The following RNF185 variants were observed in gnomAD, a reference collection of about 807,000 sequenced individuals.
The protein encoded by RNF185 is ring finger protein 185, also known as E3 ubiquitin-protein ligase RNF185.
RNF185 carries 13 observed loss-of-function variants against 24.9 expected under a neutral mutation model. The ratio of observed to expected loss-of-function variants is 0.52; its 90% CI spans 0.34 to 0.83. The LOEUF is 0.83. Among genes scored for constraint, RNF185 ranks in the 40% least tolerant of loss-of-function variants. The probability of loss-of-function intolerance (pLI) is 0.01; values close to 1 mark genes in which losing one functional copy is unlikely to be tolerated. For missense variants in RNF185, 184 were observed against 244.7 expected (o/e 0.75, Z 1.65); for synonymous variants, 79 against 90.3 (o/e 0.88, Z 0.71).
At chr22:31,164,607 G>A (rs1485212297) in intron 1 of RNF185, among the ~76,000 whole-genome samples, 1 of 52,994 alleles carries the variant, frequency 1.9e-5, no homozygotes, top group African/African-American at 6.1e-5. Flanking sequence ...TTTTTTTTTT[G>A]AGACGGAGTC....
At position 31,173,749 on chromosome 22, in the gene RNF185, A is replaced by G. The variant is rs530778280; in HGVS notation, c.-48-13298A>G. 1.6e-4 allele frequency among the ~76,000 whole-genome samples: 24 copies of G among 152,342 alleles called. No individual in the cohort carries two copies. The South Asian group carries it at 4.8e-3, about 30-fold the overall frequency. On this transcript the variant is annotated intron_variant, in intron 1 of 6. Coordinates refer to ENST00000326132, the MANE Select transcript of RNF185 (RefSeq NM_152267.4). ...TGTAGAGGGCTGAGCAGTGTTAGCTATGTTACTTATAGTGATAAGAAATAT... is the reference window on the plus strand; with the variant it reads ...TGTAGAGGGCTGAGCAGTGTTAGCTGTGTTACTTATAGTGATAAGAAATAT...
At chr22:31,161,001 C>G (rs906171136) in intron 1 of RNF185, among the ~76,000 whole-genome samples, 2 of 152,132 alleles carry the variant, frequency 1.3e-5, no homozygotes, top group Non-Finnish European at 2.9e-5. Context: ...CAGCTGGTGC[C>G]AGTTCAGGAA....
chr22:31,189,182 T>C (rs981490760), intron 2 of RNF185, among the ~76,000 whole-genome samples: 1 of 148,928 alleles, frequency 6.7e-6, no homozygotes, highest in Non-Finnish European at 1.5e-5. Context: ...TGTGTATGTA[T>C]TTATTAAATT....
chr22:31,186,999 G>A (rs2048105440), intron 1 of RNF185, 48 bp from the exon 2 acceptor site: 7 of 1,289,364 alleles, frequency 5.4e-6, no homozygotes, highest in Non-Finnish European at 7.5e-6. Context: ...TGGAAGCTGG[G>A]GGGAGAGGGC....
At chr22:31,189,159 G>GTGTGTGTGTT (rs2048129936) in intron 2 of RNF185, among the ~76,000 whole-genome samples, 4 of 147,992 alleles carry the variant, frequency 2.7e-5, no homozygotes, top group East Asian at 2.0e-4. Context: ...GTGTGTGTGT[G>GTGTGTGTGTT]TGTGTTTGTG....
intron 6 of RNF185, 112 bp downstream of exon 6, chr22:31,201,727 T>C (rs1178442241): frequency 8.0e-6 from 6 of 754,546 alleles, no homozygotes; most frequent in Non-Finnish European, 1.3e-5. Flanking sequence ...ACATGGATAA[T>C]CAGCCTTTTC....
At chr22:31,185,074 T>C (rs1003810595) in intron 1 of RNF185, among the ~76,000 whole-genome samples, 2 of 148,798 alleles carry the variant, frequency 1.3e-5, no homozygotes, top group Non-Finnish European at 3.0e-5. Flanking sequence ...AATGTGGCCC[T>C]CAAAAGTGGG....
chr22:31,176,232 T>G (rs1368126830), intron 1 of RNF185, among the ~76,000 whole-genome samples: 1 of 151,948 alleles, frequency 6.6e-6, no homozygotes, highest in East Asian at 1.9e-4. Context: ...TGATAACAAA[T>G]AAATTCAATT....
At chr22:31,167,717 AATT>A (rs1441411204) in intron 1 of RNF185, among the ~76,000 whole-genome samples, 11 of 147,978 alleles carry the variant, frequency 7.4e-5, no homozygotes, top group Admixed American at 4.2e-4. Flanking sequence ...GGGTTCAAGC[AATT>A]ATTGTGCTTC....
intron 1 of RNF185, among the ~76,000 whole-genome samples, chr22:31,168,435 G>A (rs1924069703): frequency 6.6e-6 from 1 of 152,140 alleles, no homozygotes; most frequent in Non-Finnish European, 1.5e-5. Context: ...ATGATTTTCC[G>A]TTGTATGTAT....
chr22:31,198,461 C>T (rs994856195), intron 5 of RNF185, among the ~76,000 whole-genome samples: 3 of 136,796 alleles, frequency 2.2e-5, no homozygotes, highest in African/African-American at 5.5e-5. Flanking sequence ...TGTAGTAGTG[C>T]GATCTCGGCT....
At chr22:31,164,403 C>G (rs2147916369) in intron 1 of RNF185, among the ~76,000 whole-genome samples, 1 of 152,262 alleles carries the variant, frequency 6.6e-6, no homozygotes, top group South Asian at 2.1e-4. Context: ...TCAGAATTAT[C>G]CAAACAAGAA....
At position 31,201,633 on chromosome 22, in the gene RNF185, T is replaced by G; in HGVS notation, c.481+18T>G. The G allele has an allele frequency of 6.5e-7, 1 of 1,545,934 alleles. No individual in the cohort carries two copies. The highest frequency in any genetic ancestry group is 8.9e-7 in the Non-Finnish European group (1 of 1,118,666). On this transcript the variant is annotated intron_variant, in intron 6 of 6. Transcript: ENST00000326132. ...TCCTCCAGGTAAGACCCTATTTCCT[T>G]GAGAAATTAGGAAGATATCTTAGTA...
intron 1 of RNF185, among the ~76,000 whole-genome samples, chr22:31,181,249 G>T (rs1178596129): frequency 1.3e-5 from 2 of 151,736 alleles, no homozygotes; most frequent in Non-Finnish European, 2.9e-5. Context: ...GGAGGCTGAG[G>T]CAGGGGATTG....
At chr22:31,175,281 C>T (rs1459734735) in intron 1 of RNF185, among the ~76,000 whole-genome samples, 1 of 151,722 alleles carries the variant, frequency 6.6e-6, no homozygotes, top group East Asian at 1.9e-4. Context: ...GAAACCCCAT[C>T]TCTACAAACA....
intron 1 of RNF185, among the ~76,000 whole-genome samples, chr22:31,184,458 C>T (rs1365852950): frequency 2.0e-5 from 3 of 151,936 alleles, no homozygotes; most frequent in East Asian, 3.9e-4. Flanking sequence ...AGGGGCTCCT[C>T]ACATCCCAGA....
rs193218111 is a variant in RNF185 at position 31,176,574 on chromosome 22, C to T, written c.-48-10473C>T. On this transcript the variant is annotated intron_variant, in intron 1 of 6. Coordinates refer to ENST00000326132, the MANE Select transcript of RNF185 (RefSeq NM_152267.4). ...TGCGATCTCAGCTCACTGTAAGCTCCGCCTCCCAGGTTCACACCATTCTCC... is the reference window on the plus strand; with the variant it reads ...TGCGATCTCAGCTCACTGTAAGCTCTGCCTCCCAGGTTCACACCATTCTCC... Among the ~76,000 whole-genome samples, 8 of 151,582 alleles carry T rather than the reference C, an allele frequency of 5.3e-5. No individual in the cohort carries two copies. In the East Asian group the frequency reaches 1.4e-3, roughly 26 times the overall value.
At chr22:31,178,961 G>T (rs538625628) in intron 1 of RNF185, among the ~76,000 whole-genome samples, 34 of 152,304 alleles carry the variant, frequency 2.2e-4, no homozygotes, top group African/African-American at 7.7e-4. Flanking sequence ...TTGGCATTGC[G>T]TGGTGTCCTG....
chr22:31,186,911 C>A (rs2048104634), intron 1 of RNF185, 136 bp from the exon 2 acceptor site: 4 of 652,448 alleles, frequency 6.1e-6, no homozygotes, highest in Non-Finnish European at 1.0e-5. Context: ...CTCTTGTCTT[C>A]TGTAGCGCTT....
Sources: gnomAD v4.1 joint callset for allele counts (sites outside exome capture counted in the v4.1 genomes callset) on GRCh38, gnomAD v4.1.1 for gene constraint, MANE v1.5 for transcripts, NCBI Gene and HGNC (gene_info 2026-07-23, HGNC 2026-07-21) for gene names.